The following PPP1R9A variants were observed in gnomAD, a reference collection of about 807,000 sequenced individuals.
PPP1R9A encodes neurabin-1.
Under a neutral mutation model 141.9 loss-of-function variants are expected in PPP1R9A, and 59 were observed. The ratio of observed to expected loss-of-function variants is 0.42; its 90% CI spans 0.34 to 0.52. The LOEUF is 0.52. PPP1R9A is among the 20% of genes least tolerant of loss of function. PPP1R9A has a pLI of 0.10. For missense variants in PPP1R9A, 1,444 were observed against 1,611.9 expected (o/e 0.90, Z 1.78); for synonymous variants, 500 against 569.7 (o/e 0.88, Z 1.74).
At chr7:95,217,669 A>G (rs4501506) in intron 7 of PPP1R9A, among the ~76,000 whole-genome samples, 88,234 of 151,858 alleles carry the variant, frequency 0.58, 25,836 homozygotes, top group South Asian at 0.64. Flanking sequence ...GTATATTCAG[A>G]GATTCAACTT....
intron 2 of PPP1R9A, among the ~76,000 whole-genome samples, chr7:94,930,736 C>T (rs775619723): frequency 6.6e-5 from 10 of 152,116 alleles, no homozygotes; most frequent in Non-Finnish European, 1.5e-4. Context: ...GGAAAGAGTA[C>T]TGCACATCAG....
rs182840053 is a variant in PPP1R9A at position 95,085,978 on chromosome 7, C to T, written c.1396-25281C>T. The stretch of plus-strand genomic sequence containing the variant: ...CACTTGGAATTTATTTTCTGTATGA[C>T]GTGAGGTAGGGATATAATTTAATGT... On this transcript the variant is annotated intron_variant, in intron 2 of 19. Coordinates refer to ENST00000433360, the MANE Select transcript of PPP1R9A (RefSeq NM_001166160.2). Among the ~76,000 whole-genome samples, 633 of 151,610 alleles carry T rather than the reference C, an allele frequency of 4.2e-3. 15 individuals are homozygous for T. The highest frequency in any genetic ancestry group is 0.014 in the African/African-American group (584 of 41,238).
At chr7:95,072,659 ATATATTATATAT>A (rs1480781014) in intron 2 of PPP1R9A, among the ~76,000 whole-genome samples, 2 of 122,862 alleles carry the variant, frequency 1.6e-5, no homozygotes, top group Non-Finnish European at 3.2e-5. Flanking sequence ...ATTATAAAAT[ATATATTATATAT>A]TATATTACAT....
intron 2 of PPP1R9A, among the ~76,000 whole-genome samples, chr7:94,925,409 G>A (rs954826537): frequency 6.6e-6 from 1 of 152,078 alleles, no homozygotes; most frequent in Non-Finnish European, 1.5e-5. Context: ...TAACCATCAC[G>A]GTCAAGCTTT....
At chr7:95,098,805 T>C (rs535592967) in intron 2 of PPP1R9A, among the ~76,000 whole-genome samples, 1 of 152,314 alleles carries the variant, frequency 6.6e-6, no homozygotes, top group East Asian at 1.9e-4. Flanking sequence ...TAATGTTTGC[T>C]TTTCATGATA....
chr7:95,184,711 T>C (rs142305969), intron 5 of PPP1R9A, among the ~76,000 whole-genome samples: 223 of 152,336 alleles, frequency 1.5e-3, no homozygotes, highest in Non-Finnish European at 2.4e-3. Flanking sequence ...AGTGAGAACA[T>C]ATGATGTTTG....
chr7:95,175,682 A>G (rs1832795364), intron 5 of PPP1R9A, among the ~76,000 whole-genome samples: 1 of 152,106 alleles, frequency 6.6e-6, no homozygotes, highest in African/African-American at 2.4e-5. Context: ...AATGATTTAT[A>G]TGTTTGCTCT....
intron 12 of PPP1R9A, among the ~76,000 whole-genome samples, chr7:95,257,299 G>A (rs1324906663): frequency 6.6e-6 from 1 of 152,138 alleles, no homozygotes; most frequent in East Asian, 1.9e-4. Flanking sequence ...ACACATTTAT[G>A]TCAGTTTGAG....
chr7:95,004,789 AT>A (rs2151554918), intron 2 of PPP1R9A, among the ~76,000 whole-genome samples: 1 of 152,290 alleles, frequency 6.6e-6, no homozygotes, highest in South Asian at 2.1e-4. Context: ...TATACTCCTG[AT>A]GACAGATGGG....
rs1424653949 is a variant in PPP1R9A, at chr7:95,133,390, G to A, written c.1649+12558G>A. ...TTATGCTGTCATTCATAGCAAATAAGTAGCAGAGCCTGCCTGTATACCTAG... is the reference window on the plus strand; with the variant it reads ...TTATGCTGTCATTCATAGCAAATAAATAGCAGAGCCTGCCTGTATACCTAG... On this transcript the variant is annotated intron_variant, in intron 4 of 19. Transcript: ENST00000433360. Among the ~76,000 whole-genome samples, 5 of 151,984 alleles carry A rather than the reference G, an allele frequency of 3.3e-5. No individual in the cohort carries two copies. In the East Asian group the frequency reaches 9.7e-4, roughly 29 times the overall value.
intron 5 of PPP1R9A, among the ~76,000 whole-genome samples, chr7:95,173,833 C>T (rs190778128): frequency 5.5e-4 from 83 of 152,066 alleles, no homozygotes; most frequent in Middle Eastern, 3.4e-3. Flanking sequence ...TACTGTACAC[C>T]TGCTAAAAAG....
intron 2 of PPP1R9A, among the ~76,000 whole-genome samples, chr7:95,083,764 G>C (rs1260427925): frequency 1.3e-5 from 2 of 151,880 alleles, no homozygotes; most frequent in Non-Finnish European, 2.9e-5. Context: ...TTGTAATTGG[G>C]TTCCAAAAAG....
rs6951174 is a variant in PPP1R9A at position 95,226,601 on chromosome 7, G to T, written c.2112+485G>T. On this transcript the variant is annotated intron_variant, in intron 8 of 19. Transcript: ENST00000433360. ...AACAAGGGGTGGTGAAGTGCACAGG[G>T]ACTGGCAACAGCAGGAGGCTGTTAC... 8.1e-3 allele frequency among the ~76,000 whole-genome samples: 1,228 copies of T among 152,284 alleles called. 7 individuals carry two copies. Among genetic ancestry groups the T allele is most frequent in the African/African-American group, 0.014 (567 of 41,562 alleles).
At chr7:95,017,123 A>G (rs1805218804) in intron 2 of PPP1R9A, among the ~76,000 whole-genome samples, 1 of 152,114 alleles carries the variant, frequency 6.6e-6, no homozygotes, top group African/African-American at 2.4e-5. Context: ...ATTTTTTCCT[A>G]GAGGCTTTGG....
Position 94,972,688 on chromosome 7 carries a change from C to T in PPP1R9A, c.1395+61180C>T, listed in dbSNP as rs548030255. On this transcript the variant is annotated intron_variant, in intron 2 of 19. Coordinates refer to ENST00000433360, the MANE Select transcript of PPP1R9A (RefSeq NM_001166160.2). The stretch of plus-strand genomic sequence containing the variant: ...TTCTGAGCAAGAAGAGAATGAATGG[C>T]CGATTAAGTAGATTTGCAGTAGGTG... Among the ~76,000 whole-genome samples, 6 of 152,124 alleles carry T rather than the reference C, an allele frequency of 3.9e-5. No homozygotes were observed. The East Asian group carries it at 1.2e-3, about 29-fold the overall frequency.
rs541033820 is a variant in PPP1R9A, at chr7:95,107,508, T to C, written c.1396-3751T>C. 1.1e-4 allele frequency among the ~76,000 whole-genome samples: 16 copies of C among 152,264 alleles called. No homozygotes were observed. The South Asian group carries it at 3.3e-3, about 32-fold the overall frequency. On this transcript the variant is annotated intron_variant, in intron 2 of 19. Transcript: ENST00000433360. Reference sequence around the variant, plus strand: ...ATTTTCTTTTGGCACTTTTTATATATGTATATATTTTTGTTCTGAATTGTA... The same window carrying C: ...ATTTTCTTTTGGCACTTTTTATATACGTATATATTTTTGTTCTGAATTGTA...
chr7:95,076,425 ATTTTGACATATTT>A (rs1814871886), intron 2 of PPP1R9A, among the ~76,000 whole-genome samples: 1 of 152,092 alleles, frequency 6.6e-6, no homozygotes. Flanking sequence ...TCTCTTCATT[ATTTTGACATATTT>A]TGTATCTCAT....
chr7:95,278,958 G>GT (rs1317905302), intron 16 of PPP1R9A, among the ~76,000 whole-genome samples: 1 of 152,074 alleles, frequency 6.6e-6, no homozygotes, highest in Non-Finnish European at 1.5e-5. Flanking sequence ...ACTTCTTCAT[G>GT]TTATTAGGAG....
intron 2 of PPP1R9A, among the ~76,000 whole-genome samples, chr7:95,041,421 T>C (rs982079345): frequency 2.0e-5 from 3 of 152,216 alleles, no homozygotes; most frequent in Non-Finnish European, 4.4e-5. Flanking sequence ...TCCAGAGAGC[T>C]CAGTTTTATT....
Sources: allele counts gnomAD v4.1 joint callset (sites outside exome capture counted in the v4.1 genomes callset), GRCh38; gene constraint gnomAD v4.1.1; transcripts MANE v1.5; gene names NCBI Gene and HGNC (gene_info 2026-07-23, HGNC 2026-07-21).